Variants in CTIF observed in about 807,000 individuals in gnomAD.
CTIF encodes cap binding complex dependent translation initiation factor.
A neutral mutation model predicts 66.0 loss-of-function variants in CTIF; 21 were observed. The observed-to-expected ratio is 0.32, with a 90% CI of 0.23 to 0.46. The LOEUF is 0.46. Among genes scored for constraint, CTIF ranks in the 20% least tolerant of loss-of-function variants. The pLI is 1.00. For synonymous variants in CTIF, 345 were observed against 326.4 expected, an observed-to-expected ratio of 1.06 and a Z score of -0.62; for missense variants, 739 against 812.7, an observed-to-expected ratio of 0.91 and a Z score of 1.10.
intron 9 of CTIF, among the ~76,000 whole-genome samples, chr18:48,779,304 G>T (rs980248129): frequency 1.3e-5 from 2 of 152,174 alleles, no homozygotes; most frequent in Non-Finnish European, 2.9e-5. Flanking sequence ...TTTGTGGGTG[G>T]GGGTTAACAG....
chr18:48,770,286 G>A (rs573837826), intron 9 of CTIF, among the ~76,000 whole-genome samples: 2 of 152,334 alleles, frequency 1.3e-5, no homozygotes, highest in East Asian at 3.9e-4. Context: ...GCAAAACCAA[G>A]TGCCCAGCTT....
chr18:48,615,096 A>G lies in CTIF; in HGVS notation c.-28-4442A>G, dbSNP rs144297422. ...ATTTTTGGAAAGACGAGGTCTTGCT[A>G]TGTTGCCTAGGCTGGTATCAAATTC... On this transcript the variant is annotated intron_variant, in intron 1 of 11. Coordinates refer to ENST00000256413, the MANE Select transcript of CTIF (RefSeq NM_014772.3). Among the ~76,000 whole-genome samples the G allele has an allele frequency of 8.9e-4, 135 of 152,118 alleles. No individual in the cohort carries two copies. In the Middle Eastern group the frequency reaches 0.01, roughly 11 times the overall value.
At chr18:48,609,336 G>T (rs968040237) in intron 1 of CTIF, among the ~76,000 whole-genome samples, 2 of 152,188 alleles carry the variant, frequency 1.3e-5, no homozygotes, top group Non-Finnish European at 2.9e-5. Context: ...CCAGAGGTGG[G>T]CCTTGAGGGA....
intron 7 of CTIF, among the ~76,000 whole-genome samples, chr18:48,739,083 CT>C (rs2092531304): frequency 2.0e-5 from 3 of 152,180 alleles, no homozygotes; most frequent in African/African-American, 7.2e-5. Context: ...GCTGGTCCCC[CT>C]GTCTCTAAGT....
chr18:48,608,406 G>A (rs896448730), intron 1 of CTIF, among the ~76,000 whole-genome samples: 7 of 152,070 alleles, frequency 4.6e-5, no homozygotes, highest in African/African-American at 1.7e-4. Context: ...TGGTCCAGAC[G>A]TGGCCCCAGC....
intron 1 of CTIF, among the ~76,000 whole-genome samples, chr18:48,615,400 G>A (rs564428361): frequency 6.6e-6 from 1 of 152,302 alleles, no homozygotes; most frequent in East Asian, 1.9e-4. Context: ...TTCTGAAGCT[G>A]GGGCCTCCCC....
intron 9 of CTIF, among the ~76,000 whole-genome samples, chr18:48,766,821 C>T (rs1171968406): frequency 1.3e-5 from 1 of 76,776 alleles, no homozygotes; most frequent in Non-Finnish European, 3.2e-5. Context: ...CCCCCAGCCT[C>T]AGGCTCTTCT....
At chr18:48,558,605 AC>A (rs2089076864) in intron 1 of CTIF, among the ~76,000 whole-genome samples, 2 of 152,252 alleles carry the variant, frequency 1.3e-5, no homozygotes, top group South Asian at 2.1e-4. Context: ...GCACCTAAAG[AC>A]AACTGTAGTA....
intron 6 of CTIF, among the ~76,000 whole-genome samples, chr18:48,679,042 C>T (rs299735): frequency 6.6e-6 from 1 of 152,196 alleles, no homozygotes. Context: ...AATATTGACT[C>T]TCTGGCTTTT....
intron 1 of CTIF, among the ~76,000 whole-genome samples, chr18:48,604,511 T>C (rs2090168527): frequency 6.6e-6 from 1 of 152,158 alleles, no homozygotes; most frequent in African/African-American, 2.4e-5. Flanking sequence ...CTTTTATTCA[T>C]TTGGTCCTAG....
chr18:48,752,155 C>T (rs1210253703), intron 7 of CTIF, among the ~76,000 whole-genome samples: 4 of 152,166 alleles, frequency 2.6e-5, no homozygotes, highest in African/African-American at 4.8e-5. Flanking sequence ...TGGCAAAGAC[C>T]TCAATCTTGA....
At chr18:48,846,720 CGGATGGATGGATGGAT>C (rs747412531) in intron 10 of CTIF, among the ~76,000 whole-genome samples, 4 of 92,204 alleles carry the variant, frequency 4.3e-5, no homozygotes, top group Non-Finnish European at 6.7e-5. Context: ...GATAGATGGG[CGGATGGATGGATGGAT>C]GGATGGATGA....
At chr18:48,560,580 T>C (rs1378011540) in intron 1 of CTIF, among the ~76,000 whole-genome samples, 2 of 151,904 alleles carry the variant, frequency 1.3e-5, no homozygotes, top group Non-Finnish European at 2.9e-5. Flanking sequence ...TCCTTCCTTC[T>C]TTTTCTTTGA....
chr18:48,564,221 AAAAGTGGTTTT>A (rs2089229443), intron 1 of CTIF, among the ~76,000 whole-genome samples: 2 of 152,100 alleles, frequency 1.3e-5, no homozygotes, highest in African/African-American at 4.8e-5. Context: ...TTCTACAGAG[AAAAGTGGTTTT>A]GTGGCCGTAG....
intron 3 of CTIF, among the ~76,000 whole-genome samples, chr18:48,640,167 G>A (rs964926201): frequency 5.9e-5 from 9 of 152,234 alleles, no homozygotes; most frequent in African/African-American, 1.9e-4. Flanking sequence ...AGAGGCAAGA[G>A]CACAGGACCA....
chr18:48,765,232 C>T (rs1001242907), intron 9 of CTIF, among the ~76,000 whole-genome samples: 20 of 152,192 alleles, frequency 1.3e-4, no homozygotes, highest in African/African-American at 3.9e-4. Context: ...GTTCTAGACC[C>T]GGCCTGCACA....
chr18:48,611,979 C>A (rs969038336), intron 1 of CTIF, among the ~76,000 whole-genome samples: 1 of 152,134 alleles, frequency 6.6e-6, no homozygotes, highest in Admixed American at 6.5e-5. Flanking sequence ...GTTTAGAGGA[C>A]GTCAGATGTC....
intron 2 of CTIF, among the ~76,000 whole-genome samples, chr18:48,630,295 T>G: frequency 6.6e-6 from 1 of 151,800 alleles, no homozygotes; most frequent in East Asian, 2.0e-4. Context: ...TCCCTCAGGG[T>G]TGGGGGGGTG....
At chr18:48,652,775 C>T (rs2091179904) in intron 3 of CTIF, among the ~76,000 whole-genome samples, 1 of 152,184 alleles carries the variant, frequency 6.6e-6, no homozygotes, top group Non-Finnish European at 1.5e-5. Context: ...AAAAGCTTAT[C>T]CACCATGATC....
Sources: gnomAD v4.1 joint callset for allele counts (sites outside exome capture counted in the v4.1 genomes callset) on GRCh38, gnomAD v4.1.1 for gene constraint, MANE v1.5 for transcripts, NCBI Gene and HGNC (gene_info 2026-07-23, HGNC 2026-07-21) for gene names.